Variants in CRPPA observed in about 807,000 individuals in gnomAD.
CRPPA encodes CDP-L-ribitol pyrophosphorylase A, also known as D-ribitol-5-phosphate cytidylyltransferase.
Under a neutral mutation model 52.0 loss-of-function variants are expected in CRPPA, and 43 were observed. The observed-to-expected ratio is 0.83, with a 90% CI of 0.65 to 1.07. The LOEUF is 1.07. Among genes scored for constraint, CRPPA ranks in the 50% least tolerant of loss-of-function variants. The pLI, the probability that CRPPA is intolerant of heterozygous loss-of-function variation, is 0.00. For missense variants in CRPPA, 629 were observed against 551.7 expected (o/e 1.14, Z -1.40); for synonymous variants, 250 against 203.5 (o/e 1.23, Z -1.94).
At position 16,126,116 on chromosome 7, in the gene CRPPA, C is replaced by T. The variant is rs11971869; in HGVS notation, c.1252-34317G>A. Among the ~76,000 whole-genome samples, 1,520 of 152,108 alleles carry T rather than the reference C, an allele frequency of 1.0e-2. 22 individuals are homozygous for T. The highest frequency in any genetic ancestry group is 0.02 in the African/African-American group (835 of 41,520). On this transcript the variant is annotated intron_variant, in intron 9 of 9. Transcript: ENST00000407010. Reference sequence around the variant, plus strand: ...TGGGTTTATTTAAGCTTTGGAGAGGCGGGCAGGAATCAAGAAGCAGAAAAA... The same window carrying T: ...TGGGTTTATTTAAGCTTTGGAGAGGTGGGCAGGAATCAAGAAGCAGAAAAA...
At chr7:16,376,709 T>C (rs1368479874) in intron 2 of CRPPA, among the ~76,000 whole-genome samples, 1 of 152,136 alleles carries the variant, frequency 6.6e-6, no homozygotes, top group Non-Finnish European at 1.5e-5. Flanking sequence ...ACAATGTGGG[T>C]TGCTCTAATT....
chr7:16,366,677 T>C (rs1210049175), intron 3 of CRPPA, among the ~76,000 whole-genome samples: 2 of 152,096 alleles, frequency 1.3e-5, no homozygotes, highest in African/African-American at 4.8e-5. Context: ...CAGATCATTT[T>C]TTCTACAGCT....
At chr7:16,416,930 T>C (rs1788209617) in intron 1 of CRPPA, among the ~76,000 whole-genome samples, 1 of 152,120 alleles carries the variant, frequency 6.6e-6, no homozygotes. Flanking sequence ...ATATCCAGAA[T>C]CTATAAGGAA....
At chr7:16,368,901 A>AT (rs1476139038) in intron 3 of CRPPA, among the ~76,000 whole-genome samples, 1 of 152,214 alleles carries the variant, frequency 6.6e-6, no homozygotes, top group Non-Finnish European at 1.5e-5. Flanking sequence ...TACTTAATAT[A>AT]TGCACATATA....
At chr7:16,369,605 C>CA (rs1340015143) in intron 3 of CRPPA, among the ~76,000 whole-genome samples, 5 of 151,910 alleles carry the variant, frequency 3.3e-5, no homozygotes, top group Non-Finnish European at 7.4e-5. Context: ...AGATACACAC[C>CA]AAAAAAGATA....
intron 2 of CRPPA, among the ~76,000 whole-genome samples, chr7:16,398,366 A>G (rs1183697584): frequency 7.8e-6 from 1 of 128,920 alleles, no homozygotes; most frequent in Non-Finnish European, 1.6e-5. Flanking sequence ...GACAGAGGCA[A>G]GACCAGGGCA....
intron 3 of CRPPA, among the ~76,000 whole-genome samples, chr7:16,373,694 C>G (rs1277344543): frequency 6.6e-6 from 1 of 152,076 alleles, no homozygotes; most frequent in Admixed American, 6.6e-5. Context: ...AAATAATAAG[C>G]AGCAAGGTAG....
intron 3 of CRPPA, among the ~76,000 whole-genome samples, chr7:16,371,202 T>G (rs10261127): frequency 6.6e-6 from 1 of 152,166 alleles, no homozygotes; most frequent in Admixed American, 6.5e-5. Flanking sequence ...TCACTTGCCT[T>G]AGCTACAACT....
intron 9 of CRPPA, among the ~76,000 whole-genome samples, chr7:16,166,813 T>G (rs1448483336): frequency 6.6e-6 from 1 of 152,108 alleles, no homozygotes; most frequent in African/African-American, 2.4e-5. Context: ...ATCCTACTTC[T>G]GCCTACCCCT....
Position 16,142,200 on chromosome 7 carries a change from C to A in CRPPA, c.1252-50401G>T, listed in dbSNP as rs73291882. On this transcript the variant is annotated intron_variant, in intron 9 of 9. Coordinates refer to ENST00000407010, the MANE Select transcript of CRPPA (RefSeq NM_001101426.4). ...TGAACTAAAGCAAAATAATTTTCTT[C>A]TTTTCTTTAGTTTTAATTTTAGGTT... Among the ~76,000 whole-genome samples, 452 of 152,200 alleles carry A rather than the reference C, an allele frequency of 3.0e-3. 2 individuals are homozygous for A. Among genetic ancestry groups the A allele is most frequent in the African/African-American group, 0.011 (439 of 41,530 alleles).
At chr7:16,180,965 G>A (rs1244679982) in intron 9 of CRPPA, among the ~76,000 whole-genome samples, 1 of 151,918 alleles carries the variant, frequency 6.6e-6, no homozygotes, top group Admixed American at 6.6e-5. Flanking sequence ...ATGATTGTGT[G>A]TTTCACAGAA....
At chr7:16,399,812 T>C (rs1787751074) in intron 2 of CRPPA, among the ~76,000 whole-genome samples, 1 of 151,936 alleles carries the variant, frequency 6.6e-6, no homozygotes, top group African/African-American at 2.4e-5. Flanking sequence ...GACTGACACT[T>C]GATCGTCACG....
chr7:16,371,538 TA>T lies in CRPPA; in HGVS notation c.684+4553del, dbSNP rs201341220. ...TCCTTGAAAGGGGAAAAAAATAAAT[TA>T]AAAAAAAACCCACAGTCCAATCAAA... On this transcript the variant is annotated intron_variant, in intron 3 of 9. Transcript: ENST00000407010. 1.8e-4 allele frequency among the ~76,000 whole-genome samples: 27 copies of T among 149,150 alleles called. No homozygotes were observed. The East Asian group carries it at 2.6e-3, about 14-fold the overall frequency.
intron 9 of CRPPA, among the ~76,000 whole-genome samples, chr7:16,120,326 C>G (rs937315068): frequency 6.6e-6 from 1 of 152,146 alleles, no homozygotes; most frequent in African/African-American, 2.4e-5. Flanking sequence ...TCATCCCCCA[C>G]CATCTTCCAG....
chr7:16,212,618 C>A (rs1015648389), intron 9 of CRPPA, among the ~76,000 whole-genome samples: 10 of 152,110 alleles, frequency 6.6e-5, no homozygotes, highest in African/African-American at 2.4e-4. Context: ...AAAGAAAAAC[C>A]AGGCTCAGTT....
At chr7:16,410,821 G>A (rs1788061201) in intron 1 of CRPPA, among the ~76,000 whole-genome samples, 1 of 151,804 alleles carries the variant, frequency 6.6e-6, no homozygotes, top group Non-Finnish European at 1.5e-5. Context: ...CTCCCTAACT[G>A]CCCCTACTCC....
At chr7:16,281,733 G>C (rs949853017) in intron 5 of CRPPA, among the ~76,000 whole-genome samples, 7 of 152,112 alleles carry the variant, frequency 4.6e-5, no homozygotes, top group African/African-American at 1.7e-4. Flanking sequence ...TTCTTTGTGG[G>C]AGAGCTTTTA....
chr7:16,171,660 G>A (rs969640271), intron 9 of CRPPA, among the ~76,000 whole-genome samples: 21 of 152,158 alleles, frequency 1.4e-4, no homozygotes, highest in African/African-American at 4.8e-4. Context: ...GGGCATGGTG[G>A]CGGGTGCCTG....
intron 6 of CRPPA, among the ~76,000 whole-genome samples, chr7:16,277,785 A>T (rs1784238083): frequency 6.6e-6 from 1 of 152,036 alleles, no homozygotes; most frequent in African/African-American, 2.4e-5. Context: ...AATCTCTCTA[A>T]TCTTCACAGA....
Sources: allele counts gnomAD v4.1 joint callset (sites outside exome capture counted in the v4.1 genomes callset), GRCh38; gene constraint gnomAD v4.1.1; transcripts MANE v1.5; gene names NCBI Gene and HGNC (gene_info 2026-07-23, HGNC 2026-07-21).